Variants in RERE observed in about 807,000 individuals in gnomAD.
RERE encodes arginine-glutamic acid dipeptide repeats protein.
In RERE, 40 loss-of-function variants were observed where a neutral mutation model predicts 146.1. The ratio of observed to expected loss-of-function variants is 0.27; its 90% confidence interval spans 0.21 to 0.36. RERE has a LOEUF of 0.36. Among genes scored for constraint, RERE ranks in the 10% least tolerant of loss-of-function variants. RERE has a pLI of 1.00. For missense variants in RERE, 1,933 were observed against 2,138.7 expected (o/e 0.90, Z 1.90); for synonymous variants, 1,003 against 866.0 (o/e 1.16, Z -2.78).
chr1:8,440,324 G>A (rs112823599), intron 11 of RERE, among the ~76,000 whole-genome samples: 4,046 of 152,228 alleles, frequency 0.027, 191 homozygotes, highest in African/African-American at 0.093. Context: ...GGCCAGGCAC[G>A]GCTCATGCCT....
chr1:8,394,445 T>C (rs879200533), intron 12 of RERE, among the ~76,000 whole-genome samples: 1 of 152,214 alleles, frequency 6.6e-6, no homozygotes, highest in Admixed American at 6.5e-5. Context: ...ACTACTGTCC[T>C]GGGAAGCAGA....
chr1:8,776,805 A>T (rs1447482614), intron 1 of RERE, among the ~76,000 whole-genome samples: 3 of 150,584 alleles, frequency 2.0e-5, no homozygotes, highest in Non-Finnish European at 3.0e-5. Context: ...TGCAGCCTCG[A>T]CCTCCCCGGG....
intron 11 of RERE, among the ~76,000 whole-genome samples, chr1:8,450,847 T>C (rs898508392): frequency 1.3e-5 from 2 of 152,198 alleles, no homozygotes; most frequent in Non-Finnish European, 2.9e-5. Context: ...TCCTCCATCC[T>C]ACCTTTCGAC....
intron 1 of RERE, among the ~76,000 whole-genome samples, chr1:8,738,314 G>A (rs1183211437): frequency 2.6e-5 from 4 of 151,620 alleles, no homozygotes; most frequent in Admixed American, 6.6e-5. Flanking sequence ...ATGGAGTCTC[G>A]CTCTGTCACT....
chr1:8,508,805 A>G, intron 7 of RERE, 130 bp from the exon 8 acceptor site: 1 of 704,568 alleles, frequency 1.4e-6, no homozygotes. Context: ...CGTCCCCACT[A>G]CTTCTAATGT....
At chr1:8,486,090 G>T (rs775180911) in intron 10 of RERE, among the ~76,000 whole-genome samples, 2 of 152,038 alleles carry the variant, frequency 1.3e-5, no homozygotes, top group African/African-American at 4.8e-5. Context: ...AAGCCACCGC[G>T]CCTGGCCTAC....
chr1:8,411,281 A>G lies in RERE; in HGVS notation c.1284+11446T>C, dbSNP rs557200083. Among the ~76,000 whole-genome samples the G allele has an allele frequency of 2.6e-5, 4 of 152,096 alleles. No homozygotes were observed. The South Asian group carries it at 8.3e-4, about 32-fold the overall frequency. The stretch of plus-strand genomic sequence containing the variant: ...GGACTTTTCTCCTGAGTCACCTGAT[A>G]GATTTACAAGATCAAAAGAAATAAG... On this transcript the variant is annotated intron_variant, in intron 12 of 22. Transcript: ENST00000400908.
intron 1 of RERE, among the ~76,000 whole-genome samples, chr1:8,674,959 T>C (rs551519841): frequency 6.6e-6 from 1 of 152,274 alleles, no homozygotes; most frequent in East Asian, 1.9e-4. Context: ...GGCTGAAATG[T>C]AAATGGAGCA....
intron 1 of RERE, among the ~76,000 whole-genome samples, chr1:8,782,977 C>G (rs375604644): frequency 6.6e-6 from 1 of 152,158 alleles, no homozygotes; most frequent in East Asian, 1.9e-4. Flanking sequence ...ATCCTTTGAG[C>G]TGCACAGTCC....
chr1:8,597,785 AT>A (rs34291282), intron 4 of RERE, among the ~76,000 whole-genome samples: 126,605 of 150,172 alleles, frequency 0.84, 53,538 homozygotes, highest in East Asian at 0.94. Flanking sequence ...ATTTCACTGG[AT>A]TTTTTTTTTT....
At chr1:8,432,081 C>G (rs1303588874) in intron 11 of RERE, among the ~76,000 whole-genome samples, 1 of 152,182 alleles carries the variant, frequency 6.6e-6, no homozygotes, top group South Asian at 2.1e-4. Flanking sequence ...ACCCCTCCCC[C>G]CAACATTCCA....
At chr1:8,726,598 C>A (rs1639974266) in intron 1 of RERE, among the ~76,000 whole-genome samples, 1 of 152,202 alleles carries the variant, frequency 6.6e-6, no homozygotes, top group Non-Finnish European at 1.5e-5. Context: ...AACCGGGACA[C>A]CGTGTGGTGG....
rs1242094340 is a variant in RERE, at chr1:8,703,870, T to C, written c.-144-47429A>G. 2.6e-5 allele frequency among the ~76,000 whole-genome samples: 4 copies of C among 152,322 alleles called. No homozygotes were observed. The East Asian group carries it at 7.7e-4, about 29-fold the overall frequency. Reference sequence around the variant, plus strand: ...ACCGGGAGAAAGCAGCATTGTTTCGTGTCAAAGAACACTTCTGACCCCAGT... The same window carrying C: ...ACCGGGAGAAAGCAGCATTGTTTCGCGTCAAAGAACACTTCTGACCCCAGT... On this transcript the variant is annotated intron_variant, in intron 1 of 22. Coordinates refer to ENST00000400908, the MANE Select transcript of RERE (RefSeq NM_001042681.2).
At chr1:8,646,333 A>G (rs1410229282) in intron 2 of RERE, among the ~76,000 whole-genome samples, 1 of 152,090 alleles carries the variant, frequency 6.6e-6, no homozygotes, top group Non-Finnish European at 1.5e-5. Flanking sequence ...GGAGTTCAAG[A>G]CCAGCCTAGA....
chr1:8,628,879 C>T (rs1647003717), intron 2 of RERE, among the ~76,000 whole-genome samples: 1 of 152,130 alleles, frequency 6.6e-6, no homozygotes, highest in Admixed American at 6.5e-5. Context: ...TGGTTTTAGT[C>T]AGTAGGATCA....
intron 12 of RERE, among the ~76,000 whole-genome samples, chr1:8,398,869 C>T (rs1487753465): frequency 2.0e-5 from 3 of 152,128 alleles, no homozygotes; most frequent in East Asian, 1.9e-4. Flanking sequence ...TCAATGTGCG[C>T]GGCCACTAGG....
intron 7 of RERE, among the ~76,000 whole-genome samples, chr1:8,538,073 T>C (rs1300169106): frequency 6.6e-6 from 1 of 152,242 alleles, no homozygotes; most frequent in African/African-American, 2.4e-5. Flanking sequence ...TTAAAGTTCC[T>C]GCATTATTTA....
At position 8,360,402 on chromosome 1, in the gene RERE, A is replaced by G. The variant is rs1473373693; in HGVS notation, c.3105T>C (p.Ala1035=). 1 of 1,091,766 alleles carries G rather than the reference A, an allele frequency of 9.2e-7. No homozygotes were observed. The highest frequency in any genetic ancestry group is 1.9e-5 in the South Asian group (1 of 53,406). The allele number at this position is 1,091,766 out of a possible 1,614,324, so 67.6% of individuals were successfully genotyped here. Residue 1035 remains alanine, a synonymous_variant, in exon 18 of 23, where the codon GCT becomes GCC. Transcript: ENST00000400908. ...GGCCTCCAGGGACAAAGGGGTGCTG[A>G]GCAAACGGGGGTTGGGGGGCCACCT... ...LHQVAPQPPF[A]QHPFVPGGPP...
chr1:8,800,732 G>A (rs1333079850), intron 1 of RERE, among the ~76,000 whole-genome samples: 8 of 152,148 alleles, frequency 5.3e-5, no homozygotes, highest in African/African-American at 9.7e-5. Flanking sequence ...TTGGGAGGCC[G>A]AGGCGTGTGA....
Sources: allele counts gnomAD v4.1 joint callset (sites outside exome capture counted in the v4.1 genomes callset), GRCh38; gene constraint gnomAD v4.1.1; transcripts MANE v1.5; gene names NCBI Gene and HGNC (gene_info 2026-07-23, HGNC 2026-07-21).